GRIK1: variants seen among roughly 807,000 people sequenced by gnomAD.
The protein encoded by GRIK1 is glutamate receptor ionotropic, kainate 1.
In GRIK1, 69 loss-of-function variants were observed where a neutral mutation model predicts 105.7. That is an observed-to-expected ratio of 0.65 (90% CI 0.54 to 0.80). The LOEUF (loss-of-function observed/expected upper bound fraction) is 0.80. GRIK1 is among the 30% of genes least tolerant of loss of function. The probability of loss-of-function intolerance (pLI) is 0.00; values close to 1 mark genes in which losing one functional copy is unlikely to be tolerated. For synonymous variants in GRIK1, 438 were observed against 431.3 expected (o/e 1.02, Z -0.19); for missense variants, 1,109 against 1,167.3 (o/e 0.95, Z 0.73).
intron 1 of GRIK1, among the ~76,000 whole-genome samples, chr21:29,701,181 TGAGGCACTGGGATG>T (rs1805101551): frequency 6.6e-6 from 1 of 152,194 alleles, no homozygotes; most frequent in Admixed American, 6.5e-5. Flanking sequence ...AGATACTGTG[TGAGGCACTGGGATG>T]TGCCAGTGAG....
At chr21:29,696,385 C>G (rs757337777) in intron 1 of GRIK1, among the ~76,000 whole-genome samples, 1 of 152,150 alleles carries the variant, frequency 6.6e-6, no homozygotes, top group African/African-American at 2.4e-5. Context: ...TTGAAATGAA[C>G]GTAAGGAAAA....
chr21:29,707,924 T>A (rs1175117424), intron 1 of GRIK1, among the ~76,000 whole-genome samples: 1 of 152,220 alleles, frequency 6.6e-6, no homozygotes, highest in Non-Finnish European at 1.5e-5. Flanking sequence ...GGGTAAGTTG[T>A]TGTCAGTTCT....
chr21:29,654,719 C>A, intron 5 of GRIK1, 91 bp downstream of exon 5: 1 of 787,832 alleles, frequency 1.3e-6, no homozygotes, highest in South Asian at 1.4e-5. Flanking sequence ...ATGACAATAT[C>A]CTGCCTTTGA....
rs570283713 is a variant in GRIK1, at chr21:29,890,918, T to C, written c.118+48465A>G. Among the ~76,000 whole-genome samples the C allele has an allele frequency of 3.9e-5, 6 of 152,296 alleles. No individual in the cohort carries two copies. The South Asian group carries it at 1.2e-3, about 32-fold the overall frequency. On this transcript the variant is annotated intron_variant, in intron 1 of 17. Coordinates refer to ENST00000327783, the MANE Select transcript of GRIK1 (RefSeq NM_001330994.2). ...AAAATCAAAGAAACCAGTTGGTCTG[T>C]TTTTTGTATGTGTCATAGATCACCA...
chr21:29,690,120 C>G (rs1005505388), intron 2 of GRIK1, 135 bp from the exon 3 acceptor site: 1 of 709,450 alleles, frequency 1.4e-6, no homozygotes, highest in African/African-American at 1.8e-5. Flanking sequence ...CTTTTACAAT[C>G]CCTGTCTGCA....
intron 7 of GRIK1, among the ~76,000 whole-genome samples, chr21:29,638,238 A>G (rs779105966): frequency 3.4e-4 from 52 of 152,040 alleles, no homozygotes; most frequent in Non-Finnish European, 6.5e-4. Flanking sequence ...ACTTACAATC[A>G]TGGCGGAAGG....
In GRIK1 at chr21:29,664,613, G is replaced by A. The variant is rs1321443342; in HGVS notation, c.726+8370C>T. On this transcript the variant is annotated intron_variant, in intron 4 of 17. Transcript: ENST00000327783. Reference sequence around the variant, plus strand: ...TTCTTTGGCACATAGAACTCTACGGGCCAAAAAAAAAAATCTGGCACATAA... The same window carrying A: ...TTCTTTGGCACATAGAACTCTACGGACCAAAAAAAAAAATCTGGCACATAA... 8.8e-4 allele frequency among the ~76,000 whole-genome samples: 133 copies of A among 151,010 alleles called. 1 individual carries two copies. Among genetic ancestry groups the A allele is most frequent in the Non-Finnish European group, 5.9e-5 (4 of 67,808 alleles).
At chr21:29,929,633 G>T (rs1023001317) in intron 1 of GRIK1, among the ~76,000 whole-genome samples, 3 of 152,114 alleles carry the variant, frequency 2.0e-5, no homozygotes, top group Non-Finnish European at 4.4e-5. Flanking sequence ...GGTTAGAATG[G>T]CTATTATCAA....
At chr21:29,865,207 A>G (rs2068763563) in intron 1 of GRIK1, among the ~76,000 whole-genome samples, 1 of 152,214 alleles carries the variant, frequency 6.6e-6, no homozygotes, top group South Asian at 2.1e-4. Flanking sequence ...TTATAGTAGC[A>G]CCATGATTCA....
At chr21:29,747,886 C>T (rs1004657744) in intron 1 of GRIK1, among the ~76,000 whole-genome samples, 2 of 152,176 alleles carry the variant, frequency 1.3e-5, no homozygotes, top group African/African-American at 4.8e-5. Context: ...CAGTAGCCCA[C>T]TGAAGAAATA....
rs140381168 is a variant in GRIK1 at position 29,765,937 on chromosome 21, C to T, written c.119-71874G>A. ...CGCGATCTCGGCTCATTGCAAGTTC[C>T]ACCTCCCGGGTTCACGCCATTCTCC... On this transcript the variant is annotated intron_variant, in intron 1 of 17. Coordinates refer to ENST00000327783, the MANE Select transcript of GRIK1 (RefSeq NM_001330994.2). Among the ~76,000 whole-genome samples the T allele has an allele frequency of 1.6e-4, 24 of 151,952 alleles. No homozygotes were observed. In the East Asian group the frequency reaches 4.6e-3, roughly 29 times the overall value.
chr21:29,929,011 A>G (rs2071478275), intron 1 of GRIK1, among the ~76,000 whole-genome samples: 1 of 152,200 alleles, frequency 6.6e-6, no homozygotes, highest in Non-Finnish European at 1.5e-5. Context: ...AGTTCCACAC[A>G]CTGGATGCTG....
chr21:29,755,656 G>A (rs377555034), intron 1 of GRIK1, among the ~76,000 whole-genome samples: 1 of 152,270 alleles, frequency 6.6e-6, no homozygotes, highest in East Asian at 1.9e-4. Flanking sequence ...GTGCAATCCC[G>A]TAGAGCATGG....
chr21:29,610,155 A>T (rs1172883390), intron 7 of GRIK1, among the ~76,000 whole-genome samples: 1 of 152,204 alleles, frequency 6.6e-6, no homozygotes, highest in Non-Finnish European at 1.5e-5. Context: ...GATGTTGGGC[A>T]CTCAGAGAAA....
intron 1 of GRIK1, among the ~76,000 whole-genome samples, chr21:29,747,600 G>A (rs1326899338): frequency 1.3e-5 from 2 of 152,212 alleles, no homozygotes; most frequent in Non-Finnish European, 2.9e-5. Flanking sequence ...GTAGGCTGAG[G>A]CAGGTGGATC....
chr21:29,553,057 T>C (rs1322061578), intron 16 of GRIK1, among the ~76,000 whole-genome samples: 3 of 152,030 alleles, frequency 2.0e-5, no homozygotes, highest in Non-Finnish European at 2.9e-5. Context: ...AAAATTAACA[T>C]TGTTATGGAG....
intron 4 of GRIK1, among the ~76,000 whole-genome samples, chr21:29,666,693 A>G (rs1039965069): frequency 6.6e-6 from 1 of 152,240 alleles, no homozygotes; most frequent in African/African-American, 2.4e-5. Context: ...ATTTGATACA[A>G]TTCACATTTC....
chr21:29,903,962 A>G (rs1210732817), intron 1 of GRIK1, among the ~76,000 whole-genome samples: 1 of 152,214 alleles, frequency 6.6e-6, no homozygotes, highest in East Asian at 1.9e-4. Context: ...GGATGAGTTC[A>G]TTTCCTTTGC....
chr21:29,911,012 C>T (rs1372040546), intron 1 of GRIK1, among the ~76,000 whole-genome samples: 5 of 152,062 alleles, frequency 3.3e-5, no homozygotes, highest in Admixed American at 3.3e-4. Context: ...GTGCACTAGT[C>T]ATCAATAATA....
Sources: allele counts gnomAD v4.1 joint callset (sites outside exome capture counted in the v4.1 genomes callset), GRCh38; gene constraint gnomAD v4.1.1; transcripts MANE v1.5; gene names NCBI Gene and HGNC (gene_info 2026-07-23, HGNC 2026-07-21).